OPN3: variants seen among roughly 807,000 people sequenced by gnomAD.
The protein encoded by OPN3 is opsin-3.
OPN3 carries 29 observed loss-of-function variants against 33.8 expected under a neutral mutation model. The ratio of observed to expected loss-of-function variants is 0.86; its 90% confidence interval spans 0.64 to 1.17. The LOEUF (loss-of-function observed/expected upper bound fraction) is 1.17, where lower values mean the gene tolerates loss of function less well. Ranked by LOEUF, OPN3 falls within the 50% of genes most tolerant of loss-of-function variation. The pLI, the probability that OPN3 is intolerant of heterozygous loss-of-function variation, is 0.00. For synonymous variants in OPN3, 216 were observed against 216.1 expected (o/e 1.00, Z 0.00); for missense variants, 437 against 514.1 (o/e 0.85, Z 1.45).
chr1:241,639,961 G>A lies in OPN3; in HGVS notation c.294C>T (p.Thr98=), dbSNP rs1318437132. Residue 98 remains threonine, a synonymous_variant, in exon 1 of 4, where the codon ACC becomes ACT. Coordinates refer to ENST00000366554, the MANE Select transcript of OPN3 (RefSeq NM_014322.3). ...AGCCGTTCCTCAGGCAGGACACGAAGGTAAAGGTGACCCCGAAGAGGGACA... is the reference window on the plus strand; with the variant it reads ...AGCCGTTCCTCAGGCAGGACACGAAAGTAAAGGTGACCCCGAAGAGGGACA... ...LLVSLFGVTF[T]FVSCLRNGWV... 6.2e-7 allele frequency: 1 copy of A among 1,611,822 alleles called. No homozygotes were observed. The highest frequency in any genetic ancestry group is 1.7e-5 in the Admixed American group (1 of 59,774).
intron 1 of OPN3, among the ~76,000 whole-genome samples, chr1:241,608,337 T>C (rs1014632645): frequency 3.9e-5 from 6 of 152,212 alleles, no homozygotes; most frequent in Admixed American, 3.3e-4. Flanking sequence ...ATTCATTCAT[T>C]CATTTAGTCA....
chr1:241,625,250 C>T (rs1664384065), intron 1 of OPN3, among the ~76,000 whole-genome samples: 1 of 152,126 alleles, frequency 6.6e-6, no homozygotes, highest in Admixed American at 6.5e-5. Flanking sequence ...TGGTGAACCA[C>T]CAGTGAGTGC....
At chr1:241,639,841 A>T in intron 1 of OPN3, 41 bp downstream of exon 1, 3 of 1,443,672 alleles carry the variant, frequency 2.1e-6, no homozygotes, top group Non-Finnish European at 2.7e-6. Flanking sequence ...GGGGAGTGGA[A>T]GTTTGCAGAG....
chr1:241,612,479 C>T (rs1381182230), intron 1 of OPN3, among the ~76,000 whole-genome samples: 2 of 151,904 alleles, frequency 1.3e-5, no homozygotes, highest in African/African-American at 4.8e-5. Context: ...TGAGACCATC[C>T]CTAGAAGCTT....
chr1:241,624,260 A>G (rs1437558675), intron 1 of OPN3, among the ~76,000 whole-genome samples: 1 of 122,002 alleles, frequency 8.2e-6, no homozygotes, highest in Admixed American at 7.6e-5. Flanking sequence ...CAGGCCAGGC[A>G]CTCTACGCTC....
intron 1 of OPN3, among the ~76,000 whole-genome samples, chr1:241,607,651 G>GAAGA (rs201871929): frequency 2.1e-5 from 3 of 144,868 alleles, no homozygotes; most frequent in South Asian, 4.4e-4. Context: ...AAAGAAGAAA[G>GAAGA]AAGAAAGAAA....
At chr1:241,598,835 A>G (rs1426804856) in intron 2 of OPN3, among the ~76,000 whole-genome samples, 2 of 152,226 alleles carry the variant, frequency 1.3e-5, no homozygotes, top group African/African-American at 2.4e-5. Context: ...TAAACATTGT[A>G]ATAAGTTATA....
At chr1:241,639,128 A>C (rs1665013750) in intron 1 of OPN3, 1 of 152,256 alleles carries the variant, frequency 6.6e-6, no homozygotes, top group African/African-American at 2.4e-5. Context: ...TCAACAATGA[A>C]GTTCTACTTT....
intron 1 of OPN3, chr1:241,634,744 G>A (rs770602054): frequency 6.2e-7 from 1 of 1,613,950 alleles, no homozygotes; most frequent in South Asian, 1.1e-5. Context: ...TTGCAATTGA[G>A]TGCAGTACAA....
At chr1:241,622,424 T>C (rs1664290359) in intron 1 of OPN3, among the ~76,000 whole-genome samples, 1 of 152,186 alleles carries the variant, frequency 6.6e-6, no homozygotes, top group Non-Finnish European at 1.5e-5. Flanking sequence ...GAAGAGAAAT[T>C]AAATCTCACT....
chr1:241,636,704 T>C (rs1208457729), intron 1 of OPN3, among the ~76,000 whole-genome samples: 1 of 152,192 alleles, frequency 6.6e-6, no homozygotes, highest in African/African-American at 2.4e-5. Flanking sequence ...AAAAATATTA[T>C]ATGAATGTAC....
At chr1:241,635,322 T>A in intron 1 of OPN3, 4 of 1,614,024 alleles carry the variant, frequency 2.5e-6, no homozygotes, top group Non-Finnish European at 3.4e-6. Flanking sequence ...TCGTCGCTAT[T>A]AAAATACGAT....
intron 1 of OPN3, among the ~76,000 whole-genome samples, chr1:241,605,357 G>A (rs1451982531): frequency 3.3e-5 from 5 of 152,156 alleles, no homozygotes; most frequent in Non-Finnish European, 5.9e-5. Flanking sequence ...CGTAACCTGC[G>A]TACTACCAGC....
In OPN3 at chr1:241,604,560, G is replaced by T. The variant is rs756039972; in HGVS notation, c.393C>A (p.Thr131=). ...GSLFGIVSIA[T]LTVLAYERYI... ...AACGTTCATAGGCCAGCACGGTTAG[G>T]GTGGCAATGGAAACAATCCCTGCAA... is the stretch of plus-strand genomic sequence containing the variant. Residue 131 remains threonine (T), a synonymous_variant, in exon 2 of 4, where the codon ACC becomes ACA. Coordinates refer to ENST00000366554, the MANE Select transcript of OPN3 (RefSeq NM_014322.3). 6.2e-7 allele frequency: 1 copy of T among 1,610,886 alleles called. No individual in the cohort carries two copies. Among genetic ancestry groups the T allele is most frequent in the East Asian group, 2.2e-5 (1 of 44,786 alleles).
chr1:241,621,024 G>A (rs1664259294), intron 1 of OPN3, among the ~76,000 whole-genome samples: 1 of 152,152 alleles, frequency 6.6e-6, no homozygotes, highest in Non-Finnish European at 1.5e-5. Context: ...GCACTGCTTG[G>A]ATTCACCTTA....
chr1:241,618,178 T>A (rs593963), intron 1 of OPN3, among the ~76,000 whole-genome samples: 2 of 152,072 alleles, frequency 1.3e-5, no homozygotes, highest in African/African-American at 4.8e-5. Flanking sequence ...GGGGTTAACA[T>A]GAATTTAACT....
At chr1:241,639,380 C>G (rs1446594133) in intron 1 of OPN3, 1 of 152,196 alleles carries the variant, frequency 6.6e-6, no homozygotes, top group Non-Finnish European at 1.5e-5. Context: ...TTTTTTTACA[C>G]ATTGTTATTT....
At chr1:241,634,495 G>A (rs1282393629) in intron 1 of OPN3, 3 of 1,613,682 alleles carry the variant, frequency 1.9e-6, no homozygotes, top group Non-Finnish European at 2.5e-6. Context: ...TTTGACCAAA[G>A]TGATCTATAA....
At chr1:241,627,577 G>A (rs1453524371) in intron 1 of OPN3, among the ~76,000 whole-genome samples, 2 of 152,206 alleles carry the variant, frequency 1.3e-5, no homozygotes, top group Non-Finnish European at 2.9e-5. Context: ...AAGTGCTGGA[G>A]CAGAACTGTT....
Sources: gnomAD v4.1 joint callset for allele counts (sites outside exome capture counted in the v4.1 genomes callset) on GRCh38, gnomAD v4.1.1 for gene constraint, MANE v1.5 for transcripts, NCBI Gene and HGNC (gene_info 2026-07-23, HGNC 2026-07-21) for gene names.